The following SP140 variants were observed in gnomAD, a reference collection of about 807,000 sequenced individuals.
SP140 encodes the protein SP140 nuclear body protein, also known as nuclear body protein SP140.
Under a neutral mutation model 125.0 loss-of-function variants are expected in SP140, and 81 were observed. That is an observed-to-expected ratio of 0.65 (90% CI 0.54 to 0.78). The LOEUF is 0.78. Among genes scored for constraint, SP140 ranks in the 30% least tolerant of loss-of-function variants. SP140 has a pLI of 0.00. For synonymous variants in SP140, 312 were observed against 354.0 expected (o/e 0.88, Z 1.33); for missense variants, 858 against 1,037.0 (o/e 0.83, Z 2.37).
At chr2:230,212,762 T>C in intron 1 of SP140, 1 of 1,614,108 alleles carries the variant, frequency 6.2e-7, no homozygotes, top group Non-Finnish European at 8.5e-7. Flanking sequence ...GTTTCTCACC[T>C]GAAGTGCTTC....
intron 1 of SP140, among the ~76,000 whole-genome samples, chr2:230,236,546 G>C (rs1284783480): frequency 3.3e-5 from 5 of 152,248 alleles, no homozygotes; most frequent in Admixed American, 2.6e-4. Flanking sequence ...TGATGGTGCA[G>C]CTCCAGTCTG....
chr2:230,191,113 C>A, the SP140 span, among the ~76,000 whole-genome samples: 15 of 151,802 alleles, frequency 9.9e-5, no homozygotes, highest in Non-Finnish European at 1.8e-4. Flanking sequence ...AGACAATATA[C>A]CAGAATCTCT....
chr2:230,192,570 C>A, the SP140 span, among the ~76,000 whole-genome samples: 1 of 152,100 alleles, frequency 6.6e-6, no homozygotes, highest in Non-Finnish European at 1.5e-5. Context: ...AGGAATACAG[C>A]TAACAGAGGA....
At chr2:230,221,605 T>G, upstream of SP140, 1 of 1,161,670 alleles carries the variant, frequency 8.6e-7, no homozygotes, top group East Asian at 2.6e-5. Flanking sequence ...AGAGGGTGCA[T>G]TGATGCCTCA....
chr2:230,251,411 T>G (rs2050347357), intron 10 of SP140, among the ~76,000 whole-genome samples: 1 of 152,160 alleles, frequency 6.6e-6, no homozygotes, highest in South Asian at 2.1e-4. Context: ...GATCTCCTGA[T>G]ACCCTCACAA....
intron 22 of SP140, among the ~76,000 whole-genome samples, chr2:230,308,379 C>T (rs2059015438): frequency 6.6e-6 from 1 of 151,932 alleles, no homozygotes; most frequent in African/African-American, 2.4e-5. Flanking sequence ...TCCCCCAAAA[C>T]TATTGAAATA....
At chr2:230,228,100 G>A (rs2046722713) in intron 1 of SP140, among the ~76,000 whole-genome samples, 1 of 151,926 alleles carries the variant, frequency 6.6e-6, no homozygotes, top group African/African-American at 2.4e-5. Context: ...ATTTTAATAA[G>A]TTGTTTTCCT....
chr2:230,194,220 C>A, the SP140 span, among the ~76,000 whole-genome samples: 1 of 152,122 alleles, frequency 6.6e-6, no homozygotes, highest in African/African-American at 2.4e-5. Context: ...TCTTCCCAGG[C>A]TGGCTCCCAT....
chr2:230,202,151 T>A (rs2148858236), upstream of SP140, among the ~76,000 whole-genome samples: 1 of 152,378 alleles, frequency 6.6e-6, no homozygotes, highest in African/African-American at 2.4e-5. Context: ...TTACTTTTCA[T>A]AAAATAATGC....
chr2:230,198,476 C>A (rs1164569119), upstream of SP140, among the ~76,000 whole-genome samples: 9 of 152,172 alleles, frequency 5.9e-5, 1 homozygote. Flanking sequence ...CTCCCTTTTT[C>A]TTTAGTAATA....
intron 1 of SP140, among the ~76,000 whole-genome samples, chr2:230,205,163 T>C (rs1384497965): frequency 1.3e-5 from 2 of 152,208 alleles, no homozygotes; most frequent in African/African-American, 2.4e-5. Context: ...AATATGCTAA[T>C]AGAGTTCAGT....
intron 3 of SP140, chr2:230,220,118 G>A: frequency 4.1e-6 from 4 of 981,556 alleles, no homozygotes; most frequent in Non-Finnish European, 4.8e-6. Context: ...CACTTGTGAG[G>A]CTCCCAGGAC....
Position 230,292,919 on chromosome 2 carries a change from G to A in SP140, c.1968+131G>A, listed in dbSNP as rs1359035126. ...GCCAGTGGGTTTATCCTCTCACTCA[G>A]GAGAGAGGGACCCCACATTCATAAC... On this transcript the variant is annotated intron_variant, in intron 20 of 26. Transcript: ENST00000392045. 15 of 1,309,070 alleles carry A rather than the reference G, an allele frequency of 1.1e-5. No homozygotes were observed. In the Admixed American group the frequency reaches 1.4e-4, roughly 12 times the overall value. 81.1% of individuals were successfully genotyped at this position (1,309,070 alleles called of 1,614,324 possible). A position where few individuals can be genotyped will look rare whatever the true frequency, so the allele number is the denominator to read the frequency against.
Position 230,237,727 on chromosome 2 carries a change from C to G in SP140, c.237+467C>G, listed in dbSNP as rs1359191567. On this transcript the variant is annotated intron_variant, in intron 2 of 26. Transcript: ENST00000392045. The surrounding 1 kb of genome is among the most constrained non-coding windows in gnomAD (Gnocchi z 5.4). ...TTTGATCTTTGGACATTTCTAGAGC[C>G]CTAGAATGCAAGTTAATGTTAGCAG... 1 of 158,940 alleles carries G rather than the reference C, an allele frequency of 6.3e-6. No homozygotes were observed. The highest frequency in any genetic ancestry group is 2.4e-5 in the African/African-American group (1 of 41,484). The allele number at this position is 158,940 out of a possible 1,614,324, so 9.8% of individuals were successfully genotyped here. A position where few individuals can be genotyped will look rare whatever the true frequency, so the allele number is the denominator to read the frequency against.
chr2:230,216,881 A>T (rs527400856), intron 3 of SP140: 1 of 1,614,038 alleles, frequency 6.2e-7, no homozygotes, highest in Non-Finnish European at 8.5e-7. Flanking sequence ...CTGGTGCATG[A>T]AGTGCTGAAA....
At chr2:230,307,765 G>A (rs1040853876) in intron 22 of SP140, among the ~76,000 whole-genome samples, 2 of 152,032 alleles carry the variant, frequency 1.3e-5, no homozygotes, top group Non-Finnish European at 1.5e-5. Flanking sequence ...CCAGTAGCCT[G>A]AGCCAAGTGC....
In SP140 at chr2:230,237,145, C is replaced by G. The variant is rs1031960012; in HGVS notation, c.122C>G (p.Pro41Arg). ...CTGCAGGAGCAGGTTTGCCCTGAGCCCATTTTCAGGTTCTTCAGAGAAAAC... is the reference window on the plus strand; with the variant it reads ...CTGCAGGAGCAGGTTTGCCCTGAGCGCATTTTCAGGTTCTTCAGAGAAAAC... ...QNLQEQVCPE[P>R]IFRFFRENKV... The change falls in exon 2 of 27, where the codon CCC becomes CGC. Residue 41 changes from proline (P) to arginine (R), a missense_variant. By Grantham distance (103) the Pro-to-Arg change is moderately radical. Coordinates refer to ENST00000392045, the MANE Select transcript of SP140 (RefSeq NM_007237.5). The surrounding 1 kb of genome is among the most constrained non-coding windows in gnomAD (Gnocchi z 5.4). 6.2e-7 allele frequency: 1 copy of G among 1,613,034 alleles called. No homozygotes were observed. The highest frequency in any genetic ancestry group is 2.2e-5 in the East Asian group (1 of 44,814).
intron 15 of SP140, among the ~76,000 whole-genome samples, chr2:230,274,063 T>G (rs1271614769): frequency 6.6e-6 from 1 of 151,664 alleles, no homozygotes; most frequent in African/African-American, 2.4e-5. Flanking sequence ...CCATGACACA[T>G]GTTTAGCTTT....
chr2:230,241,301 G>A (rs1473793250), intron 3 of SP140, 103 bp from the exon 4 acceptor site: 3 of 738,676 alleles, frequency 4.1e-6, no homozygotes, highest in Non-Finnish European at 7.3e-6. Flanking sequence ...GACCTCGGGG[G>A]TGGGAGATCC....
Sources: allele counts gnomAD v4.1 joint callset (sites outside exome capture counted in the v4.1 genomes callset), GRCh38; gene constraint gnomAD v4.1.1; non-coding constraint Gnocchi (gnomAD v3.1); transcripts MANE v1.5; gene names NCBI Gene and HGNC (gene_info 2026-07-23, HGNC 2026-07-21).